The following DLG2 variants were observed in gnomAD, a reference collection of about 807,000 sequenced individuals.
DLG2 encodes the protein disks large homolog 2.
In DLG2, 45 loss-of-function variants were observed where a neutral mutation model predicts 132.5. That is an observed-to-expected ratio of 0.34 (90% CI 0.27 to 0.44). The LOEUF (loss-of-function observed/expected upper bound fraction) is 0.44, where lower values mean the gene tolerates loss of function less well. Among genes scored for constraint, DLG2 ranks in the 20% least tolerant of loss-of-function variants. The pLI, the probability that DLG2 is intolerant of heterozygous loss-of-function variation, is 1.00. For synonymous variants in DLG2, 424 were observed against 419.6 expected (o/e 1.01, Z -0.13); for missense variants, 1,045 against 1,196.9 (o/e 0.87, Z 1.87).
chr11:84,922,225 A>C (rs189723112), intron 6 of DLG2, among the ~76,000 whole-genome samples: 1 of 152,144 alleles, frequency 6.6e-6, no homozygotes, highest in African/African-American at 2.4e-5. Flanking sequence ...ACTGCTTCTT[A>C]ATTATTTTTT....
intron 6 of DLG2, among the ~76,000 whole-genome samples, chr11:84,961,353 C>CATGG (rs936547153): frequency 3.3e-5 from 5 of 151,940 alleles, no homozygotes; most frequent in Admixed American, 3.3e-4. Flanking sequence ...AGCAAAAATA[C>CATGG]ATGGTGTAAA....
chr11:85,057,741 G>A (rs10898351), intron 6 of DLG2, among the ~76,000 whole-genome samples: 14,641 of 150,614 alleles, frequency 0.097, 992 homozygotes, highest in Non-Finnish European at 0.14. Context: ...TAGCATGAAA[G>A]CAAAAAAAAG....
intron 14 of DLG2, among the ~76,000 whole-genome samples, chr11:83,945,464 T>C (rs1299479606): frequency 1.3e-5 from 2 of 152,158 alleles, no homozygotes; most frequent in African/African-American, 4.8e-5. Context: ...TCTTCCAGGT[T>C]TTCGTTCCTC....
intron 8 of DLG2, among the ~76,000 whole-genome samples, chr11:84,243,020 TATATATATATATATATATA>T: frequency 7.1e-6 from 1 of 141,326 alleles, no homozygotes; most frequent in Non-Finnish European, 1.6e-5. Flanking sequence ...TCTCTCTCTA[TATATATATATATATATATA>T]CACTCTCACA....
intron 6 of DLG2, among the ~76,000 whole-genome samples, chr11:84,789,263 C>G (rs911037674): frequency 6.6e-6 from 1 of 152,154 alleles, no homozygotes; most frequent in Admixed American, 6.5e-5. Flanking sequence ...TGCAGTCTTT[C>G]TCATAATGGC....
intron 15 of DLG2, among the ~76,000 whole-genome samples, chr11:83,906,719 T>G (rs536329138): frequency 6.6e-6 from 1 of 152,098 alleles, no homozygotes; most frequent in Non-Finnish European, 1.5e-5. Flanking sequence ...GTTAAGAAAC[T>G]TCACCAAGGT....
At chr11:83,854,002 C>T (rs1411659134) in intron 16 of DLG2, among the ~76,000 whole-genome samples, 2 of 152,050 alleles carry the variant, frequency 1.3e-5, no homozygotes, top group Admixed American at 6.6e-5. Context: ...GCCAAAATCT[C>T]CTGGAACTAA....
intron 3 of DLG2, among the ~76,000 whole-genome samples, chr11:85,378,427 C>G (rs1417657274): frequency 6.6e-6 from 1 of 152,010 alleles, no homozygotes; most frequent in East Asian, 1.9e-4. Context: ...CTGTTTTGAC[C>G]TTCAGTTTCC....
intron 6 of DLG2, among the ~76,000 whole-genome samples, chr11:84,750,394 C>T (rs1248305522): frequency 3.9e-5 from 6 of 152,030 alleles, no homozygotes; most frequent in African/African-American, 1.2e-4. Flanking sequence ...GGTTTGAAGT[C>T]GGAGTCTGAC....
At chr11:84,054,299 C>T (rs546238883) in intron 11 of DLG2, among the ~76,000 whole-genome samples, 9 of 152,082 alleles carry the variant, frequency 5.9e-5, no homozygotes, top group South Asian at 2.1e-4. Flanking sequence ...TGTGTTCTTG[C>T]GAAAGTCACT....
chr11:85,488,112 TG>T (rs950952811), intron 3 of DLG2, among the ~76,000 whole-genome samples: 17 of 152,196 alleles, frequency 1.1e-4, no homozygotes, highest in African/African-American at 4.1e-4. Context: ...GCCTTTTGGC[TG>T]GGTGCAGTGG....
At chr11:84,493,473 C>T (rs1389350364) in intron 7 of DLG2, among the ~76,000 whole-genome samples, 1 of 152,070 alleles carries the variant, frequency 6.6e-6, no homozygotes, top group Non-Finnish European at 1.5e-5. Context: ...CCAGCCCCTG[C>T]CTGAATCATA....
chr11:85,233,402 T>C (rs148319687), intron 4 of DLG2, among the ~76,000 whole-genome samples: 1 of 152,084 alleles, frequency 6.6e-6, no homozygotes, highest in East Asian at 1.9e-4. Flanking sequence ...CTAAGATCCC[T>C]CATTTTTCAC....
chr11:84,169,795 G>A (rs1596529473), intron 8 of DLG2, among the ~76,000 whole-genome samples: 2 of 151,538 alleles, frequency 1.3e-5, no homozygotes, highest in Non-Finnish European at 2.9e-5. Context: ...ATCGCTTGAA[G>A]CAGGGAGGCA....
rs191287652 is a variant in DLG2, at chr11:84,094,224, T to A, written c.749+4699A>T. 2.2e-3 allele frequency among the ~76,000 whole-genome samples: 340 copies of A among 152,274 alleles called. 1 individual carries two copies. Among genetic ancestry groups the A allele is most frequent in the Non-Finnish European group, 3.8e-3 (259 of 68,026 alleles). On this transcript the variant is annotated intron_variant, in intron 10 of 27. Transcript: ENST00000376104. The stretch of plus-strand genomic sequence containing the variant: ...TAACCTACCAGTTCCTCAATTTTCT[T>A]ATCTGAAAAATGGATAATAAATAAT...
intron 7 of DLG2, among the ~76,000 whole-genome samples, chr11:84,416,243 GAGAA>G (rs2098929313): frequency 6.6e-6 from 1 of 152,292 alleles, no homozygotes; most frequent in Admixed American, 6.5e-5. Context: ...CTTAGAGAGA[GAGAA>G]AGAGACTAAC....
At chr11:85,412,440 C>T (rs1209049990) in intron 3 of DLG2, among the ~76,000 whole-genome samples, 1 of 151,312 alleles carries the variant, frequency 6.6e-6, no homozygotes, top group Middle Eastern at 3.2e-3. Flanking sequence ...TCTTTAGTCG[C>T]GATTTGTGAG....
At chr11:84,268,794 A>C (rs1245825825) in intron 7 of DLG2, among the ~76,000 whole-genome samples, 1 of 152,040 alleles carries the variant, frequency 6.6e-6, no homozygotes, top group East Asian at 1.9e-4. Flanking sequence ...AATGGAGATG[A>C]TAGTACCTAC....
intron 6 of DLG2, among the ~76,000 whole-genome samples, chr11:84,961,296 C>T (rs2052533497): frequency 6.6e-6 from 1 of 151,774 alleles, no homozygotes; most frequent in South Asian, 2.1e-4. Flanking sequence ...GTAGCTCATG[C>T]CTGACCTACC....
Sources: allele counts gnomAD v4.1 joint callset (sites outside exome capture counted in the v4.1 genomes callset), GRCh38; gene constraint gnomAD v4.1.1; transcripts MANE v1.5; gene names NCBI Gene and HGNC (gene_info 2026-07-23, HGNC 2026-07-21).